The following PATJ variants were observed in gnomAD, a reference collection of about 807,000 sequenced individuals.
PATJ encodes the protein inaD-like protein.
A neutral mutation model predicts 224.9 loss-of-function variants in PATJ; 190 were observed. The observed-to-expected ratio is 0.84, with a 90% CI of 0.75 to 0.95. The LOEUF is 0.95. PATJ is among the 40% of genes least tolerant of loss of function. The pLI, the probability that PATJ is intolerant of heterozygous loss-of-function variation, is 0.00. For synonymous variants in PATJ, 769 were observed against 820.3 expected, an observed-to-expected ratio of 0.94 and a Z score of 1.07; for missense variants, 2,121 against 2,270.3, an observed-to-expected ratio of 0.93 and a Z score of 1.34.
intron 20 of PATJ, chr1:61,865,145 C>G (rs1246216807): frequency 6.6e-6 from 1 of 151,782 alleles, no homozygotes. Context: ...TTATTTACAA[C>G]TTGGAGGGAA....
At chr1:62,013,651 C>T (rs1003378348) in intron 28 of PATJ, 15 of 262,446 alleles carry the variant, frequency 5.7e-5, no homozygotes, top group Non-Finnish European at 8.3e-5. Context: ...GATTCAAAGA[C>T]AGGAGGGTAG....
chr1:61,746,715 A>T (rs1645042615), intron 1 of PATJ, among the ~76,000 whole-genome samples: 1 of 152,154 alleles, frequency 6.6e-6, no homozygotes, highest in Admixed American at 6.6e-5. Flanking sequence ...TTTAAGCCAT[A>T]CATTAATATT....
intron 31 of PATJ, among the ~76,000 whole-genome samples, chr1:62,069,872 G>A (rs1657094652): frequency 1.4e-5 from 2 of 147,750 alleles, no homozygotes; most frequent in Admixed American, 1.4e-4. Flanking sequence ...TATTCAGGTA[G>A]CAGTTATTGC....
At chr1:62,118,034 A>G (rs1242082511) in intron 37 of PATJ, among the ~76,000 whole-genome samples, 2 of 152,132 alleles carry the variant, frequency 1.3e-5, no homozygotes, top group East Asian at 3.9e-4. Context: ...GCACACAGTT[A>G]CTTCTGGAAA....
At chr1:61,955,620 A>G (rs892302540) in intron 27 of PATJ, among the ~76,000 whole-genome samples, 2 of 152,256 alleles carry the variant, frequency 1.3e-5, no homozygotes, top group African/African-American at 4.8e-5. Flanking sequence ...GCTACATTTG[A>G]GAACACTGAA....
rs1570890271 is a variant in PATJ, at chr1:62,161,111, A to G, written c.*57A>G. The stretch of plus-strand genomic sequence containing the variant: ...TGTTTAGAATATCCACAGGCAGATG[A>G]AGTTCTGAGTGGGTATGAAAAGCAC... On this transcript the variant is annotated 3_prime_UTR_variant, in exon 44 of 44. Transcript: ENST00000642238. 1.5e-6 allele frequency: 2 copies of G among 1,339,372 alleles called. No homozygotes were observed. Among genetic ancestry groups the G allele is most frequent in the East Asian group, 5.3e-5 (2 of 37,984 alleles). 83.0% of individuals were successfully genotyped at this position (1,339,372 alleles called of 1,614,324 possible). A position where few individuals can be genotyped will look rare whatever the true frequency, so the allele number is the denominator to read the frequency against.
At chr1:61,908,517 A>G (rs755267309) in intron 25 of PATJ, 35 bp downstream of exon 25, 2 of 1,348,256 alleles carry the variant, frequency 1.5e-6, no homozygotes, top group African/African-American at 2.9e-5. Context: ...AAAGTTTAAC[A>G]ACACTCTGTA....
intron 16 of PATJ, among the ~76,000 whole-genome samples, chr1:61,828,279 A>G (rs999980524): frequency 2.0e-5 from 3 of 152,056 alleles, no homozygotes; most frequent in Non-Finnish European, 2.9e-5. Context: ...GATAAATTTC[A>G]AAGTGAGTCT....
intron 27 of PATJ, among the ~76,000 whole-genome samples, chr1:61,977,884 CA>C (rs567713561): frequency 0.15 from 11,248 of 75,858 alleles, 1,230 homozygotes; most frequent in African/African-American, 0.37. Flanking sequence ...TAGTAAGACT[CA>C]AAAAAAAAAA....
chr1:62,134,110 T>G (rs1279000428), intron 41 of PATJ, among the ~76,000 whole-genome samples: 2 of 151,786 alleles, frequency 1.3e-5, no homozygotes, highest in Non-Finnish European at 2.9e-5. Context: ...ATCCCATGCC[T>G]CAGACCCAGT....
chr1:61,747,942 T>C (rs752933612), intron 1 of PATJ, among the ~76,000 whole-genome samples: 1 of 152,242 alleles, frequency 6.6e-6, no homozygotes, highest in Non-Finnish European at 1.5e-5. Context: ...AGACACAGTT[T>C]CACTCTGTTG....
At chr1:62,102,098 G>A (rs1236905333) in intron 33 of PATJ, among the ~76,000 whole-genome samples, 1 of 151,844 alleles carries the variant, frequency 6.6e-6, no homozygotes, top group African/African-American at 2.4e-5. Flanking sequence ...AGGATCACTT[G>A]AGCCCAGGAG....
intron 1 of PATJ, among the ~76,000 whole-genome samples, chr1:61,745,869 G>A (rs1644997420): frequency 1.3e-5 from 2 of 151,940 alleles, no homozygotes; most frequent in South Asian, 4.2e-4. Context: ...CTCCCAAAGT[G>A]CTGGGATTAC....
intron 28 of PATJ, chr1:61,991,861 A>G (rs944709): frequency 0.015 from 6,521 of 428,526 alleles, 119 homozygotes; most frequent in African/African-American, 0.056. Flanking sequence ...GGTAGTAAAA[A>G]TGATGAAAGT....
At chr1:61,909,410 A>AT (rs770363917) in intron 25 of PATJ, among the ~76,000 whole-genome samples, 6 of 152,182 alleles carry the variant, frequency 3.9e-5, no homozygotes, top group Non-Finnish European at 7.3e-5. Flanking sequence ...ACTGGAAGCA[A>AT]TATTCAATAT....
intron 28 of PATJ, among the ~76,000 whole-genome samples, chr1:62,009,870 G>T (rs1179599986): frequency 1.3e-5 from 2 of 151,876 alleles, no homozygotes; most frequent in African/African-American, 4.8e-5. Flanking sequence ...GGATCACAAG[G>T]TCAGGGGTTC....
In PATJ at chr1:61,747,077, A is replaced by C. The variant is rs570262466; in HGVS notation, c.-36+4522A>C. ...AAGAATATATTAGGTTGGGGAAGCC[A>C]AAGTGGGATTTAATTTGTTCACTTA... is the stretch of plus-strand genomic sequence containing the variant. On this transcript the variant is annotated intron_variant, in intron 1 of 43. Transcript: ENST00000642238. 5.3e-5 allele frequency among the ~76,000 whole-genome samples: 8 copies of C among 152,342 alleles called. No homozygotes were observed. In the South Asian group the frequency reaches 1.7e-3, roughly 32 times the overall value.
intron 12 of PATJ, among the ~76,000 whole-genome samples, chr1:61,804,395 T>C (rs1025856062): frequency 2.0e-5 from 3 of 152,180 alleles, no homozygotes; most frequent in Non-Finnish European, 4.4e-5. Context: ...TCACTGATTT[T>C]TGAGGTTAGC....
In PATJ at chr1:62,144,769, A is replaced by ATATAT. The variant is rs1180544696; in HGVS notation, c.5272-3515_5272-3514insTATAT. On this transcript the variant is annotated intron_variant, in intron 41 of 43. Coordinates refer to ENST00000642238, the MANE Select transcript of PATJ (RefSeq NM_001350145.3). ...AAATGCTCTAGAATGTTATTTGCAA[A>ATATAT]AAAAAAAAATATATATATATATATA... is the stretch of plus-strand genomic sequence containing the variant. 1.1e-3 allele frequency among the ~76,000 whole-genome samples: 64 copies of ATATAT among 58,704 alleles called. 1 individual carries two copies. The highest frequency in any genetic ancestry group is 3.8e-3 in the African/African-American group (58 of 15,280). The allele number at this position is 58,704 out of a possible 152,430, so 38.5% of individuals were successfully genotyped here. A position where few individuals can be genotyped will look rare whatever the true frequency, so the allele number is the denominator to read the frequency against.
Sources: allele counts gnomAD v4.1 joint callset (sites outside exome capture counted in the v4.1 genomes callset), GRCh38; gene constraint gnomAD v4.1.1; transcripts MANE v1.5; gene names NCBI Gene and HGNC (gene_info 2026-07-23, HGNC 2026-07-21).